Variants in ARMCX4 observed in about 807,000 individuals in gnomAD.
The protein encoded by ARMCX4 is armadillo repeat containing X-linked 4.
A neutral mutation model predicts 34.7 loss-of-function variants in ARMCX4; 3 were observed. That is an observed-to-expected ratio of 0.09 (90% confidence interval 0.04 to 0.22). The LOEUF is 0.22. Among genes scored for constraint, ARMCX4 ranks in the 10% least tolerant of loss-of-function variants. The probability of loss-of-function intolerance (pLI) is 1.00; values close to 1 mark genes in which losing one functional copy is unlikely to be tolerated. For synonymous variants in ARMCX4, 513 were observed against 632.8 expected (o/e 0.81, Z 2.84); for missense variants, 1,448 against 1,720.8 (o/e 0.84, Z 2.81).
rs1347318640 is a variant in ARMCX4, at chrX:101,490,560, G to A, written c.1971G>A (p.Lys657=). 8.7e-7 allele frequency: 1 copy of A among 1,155,047 alleles called. No homozygotes were observed. The highest frequency in any genetic ancestry group is 3.3e-5 in the East Asian group (1 of 30,718). ...AGGGTAATCCCAATGTTGTGCTTAA[G>A]GCAGAAGTTGGGGAAGGTGCAATGG... ...KVKGNPNVVL[K]AEVGEGAMGT... Residue 657 remains lysine, a synonymous_variant, in exon 6 of 6, where the codon AAG becomes AAA. Coordinates refer to ENST00000423738, the MANE Select transcript of ARMCX4 (RefSeq NM_001256155.3).
At chrX:101,501,978 TCCCTATGGGAAAGG>T (rs1272344481) in intron 7 of ARMCX4, among the ~76,000 whole-genome samples, 1 of 112,265 alleles carries the variant, frequency 8.9e-6, no homozygotes, top group Non-Finnish European at 1.9e-5. Flanking sequence ...TTTTTGGAAG[TCCCTATGGGAAAGG>T]CCCTATGGGA....
chrX:101,437,079 T>G (rs1259136641), intron 2 of ARMCX4, among the ~76,000 whole-genome samples: 3 of 112,036 alleles, frequency 2.7e-5, no homozygotes, highest in African/African-American at 9.7e-5. Flanking sequence ...GCATGGATGT[T>G]CATCAGGGAT....
chrX:101,444,996 C>A (rs1413072235), intron 3 of ARMCX4, among the ~76,000 whole-genome samples: 1 of 111,819 alleles, frequency 8.9e-6, no homozygotes, highest in East Asian at 2.8e-4. Flanking sequence ...ACATTGCTGT[C>A]AAAAAGTTGT....
intron 3 of ARMCX4, among the ~76,000 whole-genome samples, chrX:101,445,024 G>A (rs782377175): frequency 1.8e-5 from 2 of 112,176 alleles, no homozygotes; most frequent in African/African-American, 3.2e-5. Context: ...ATGCAGATGT[G>A]TATATGTACA....
intron 4 of ARMCX4, among the ~76,000 whole-genome samples, chrX:101,475,116 C>T (rs1933122642): frequency 9.1e-6 from 1 of 110,445 alleles, no homozygotes; most frequent in Non-Finnish European, 1.9e-5. Context: ...CAAGACCAGC[C>T]TGTGCAGCAT....
chrX:101,483,295 G>A (rs889610000), upstream of ARMCX4, among the ~76,000 whole-genome samples: 12 of 111,017 alleles, frequency 1.1e-4, no homozygotes, highest in Admixed American at 1.1e-3. Context: ...TAAATTCCAA[G>A]GAATAGAATT....
At chrX:101,425,542 C>A (rs1402713353) in intron 2 of ARMCX4, among the ~76,000 whole-genome samples, 1 of 109,572 alleles carries the variant, frequency 9.1e-6, no homozygotes, top group East Asian at 2.9e-4. Context: ...TACAGGCGCA[C>A]ACCACCATGC....
intron 11 of ARMCX4, among the ~76,000 whole-genome samples, chrX:101,530,899 T>A: frequency 8.9e-6 from 1 of 112,308 alleles, no homozygotes; most frequent in East Asian, 2.8e-4. Flanking sequence ...AAATACTTTT[T>A]TCCTCTTTTG....
At chrX:101,445,292 C>T (rs891695763) in intron 3 of ARMCX4, among the ~76,000 whole-genome samples, 2 of 112,233 alleles carry the variant, frequency 1.8e-5, no homozygotes, top group Non-Finnish European at 3.8e-5. Flanking sequence ...AAGCTCCCCC[C>T]ACTATGGATA....
intron 2 of ARMCX4, among the ~76,000 whole-genome samples, chrX:101,434,343 G>A (rs5951310): frequency 0.032 from 3,337 of 104,615 alleles, 51 homozygotes; most frequent in Non-Finnish European, 0.044. Flanking sequence ...AACCTCCGCC[G>A]CCCAAGCGAT....
rs1934144466 is a variant in ARMCX4 at position 101,494,865 on chromosome X, C to T, written c.6276C>T (p.Leu2092=). ...VGGISVIESL[L]NNPYPSVRQK... Reference sequence around the variant, plus strand: ...GAATTTCAGTTATTGAAAGCTTGCTCAATAATCCCTACCCCAGTGTTAGGC... The same window carrying T: ...GAATTTCAGTTATTGAAAGCTTGCTTAATAATCCCTACCCCAGTGTTAGGC... The change falls in exon 6 of 6, where the codon CTC becomes CTT. Residue 2092 remains leucine (L), a synonymous_variant. Transcript: ENST00000423738. 8.7e-7 allele frequency: 1 copy of T among 1,153,763 alleles called. No individual in the cohort carries two copies. Among genetic ancestry groups the T allele is most frequent in the Non-Finnish European group, 1.1e-6 (1 of 872,254 alleles).
At chrX:101,426,555 G>A (rs1469554117) in intron 2 of ARMCX4, among the ~76,000 whole-genome samples, 1 of 111,951 alleles carries the variant, frequency 8.9e-6, no homozygotes, top group Non-Finnish European at 1.9e-5. Context: ...AGGTTGACCA[G>A]AGAAAAATAG....
chrX:101,508,784 G>A (rs1556015780), intron 8 of ARMCX4, among the ~76,000 whole-genome samples: 1 of 111,365 alleles, frequency 9.0e-6, no homozygotes, highest in East Asian at 2.8e-4. Context: ...ATTGTTTCTT[G>A]ATTTTTGAGT....
At position 101,493,371 on chromosome X, in the gene ARMCX4, T is replaced by A. The variant is rs1240086173; in HGVS notation, c.4782T>A (p.Gly1594=). 7.6e-5 allele frequency: 88 copies of A among 1,152,521 alleles called. No individual in the cohort carries two copies. Among genetic ancestry groups the A allele is most frequent in the Non-Finnish European group, 9.7e-5 (85 of 872,132 alleles). The allele number at this position is 1,152,521 out of a possible 1,213,427, so 95.0% of individuals were successfully genotyped here. Residue 1594 remains glycine, a synonymous_variant, in exon 6 of 6, where the codon GGT becomes GGA. Coordinates refer to ENST00000423738, the MANE Select transcript of ARMCX4 (RefSeq NM_001256155.3). ...GGCCTGGTGCTGGGGACCAGACTGG[T>A]GGAGGCTCCAGGCCAGGGTCTGAGG... is the stretch of plus-strand genomic sequence containing the variant. ...GFWPGAGDQT[G]GGSRPGSEDQ...
At position 101,492,978 on chromosome X, in the gene ARMCX4, T is replaced by C. The variant is rs1027149334; in HGVS notation, c.4389T>C (p.Pro1463=). The C allele has an allele frequency of 9.6e-6, 11 of 1,151,556 alleles. No homozygotes were observed. The highest frequency in any genetic ancestry group is 1.3e-5 in the Non-Finnish European group (11 of 871,472). 94.9% of individuals were successfully genotyped at this position (1,151,556 alleles called of 1,213,427 possible). A position where few individuals can be genotyped will look rare whatever the true frequency, so the allele number is the denominator to read the frequency against. ...AGHPASVGPK[P]IFEDQVSGRG... ...ATCCAGCTAGTGTTGGGCCAAAGCCTATATTTGAGGATCAGGTCAGTGGCA... is the reference window on the plus strand; with the variant it reads ...ATCCAGCTAGTGTTGGGCCAAAGCCCATATTTGAGGATCAGGTCAGTGGCA... Residue 1463 remains proline, a synonymous_variant, in exon 6 of 6, where the codon CCT becomes CCC. Coordinates refer to ENST00000423738, the MANE Select transcript of ARMCX4 (RefSeq NM_001256155.3).
At chrX:101,464,567 T>C (rs1556001687) in intron 4 of ARMCX4, among the ~76,000 whole-genome samples, 1 of 110,627 alleles carries the variant, frequency 9.0e-6, no homozygotes, top group African/African-American at 3.3e-5. Context: ...TGAAGATAGG[T>C]CAAGAGAGGG....
At chrX:101,424,684 C>T (rs1345423095) in intron 2 of ARMCX4, among the ~76,000 whole-genome samples, 1 of 111,989 alleles carries the variant, frequency 8.9e-6, no homozygotes, top group Non-Finnish European at 1.9e-5. Flanking sequence ...TAGGAAAATC[C>T]ACATTTTGTT....
At chrX:101,469,888 T>TA (rs1258408318) in intron 4 of ARMCX4, among the ~76,000 whole-genome samples, 2 of 111,383 alleles carry the variant, frequency 1.8e-5, no homozygotes, top group Non-Finnish European at 3.8e-5. Flanking sequence ...ACCTGGAAGT[T>TA]ACCACCCCTT....
At chrX:101,448,985 C>G (rs1296287904), downstream of ARMCX4, among the ~76,000 whole-genome samples, 1 of 101,891 alleles carries the variant, frequency 9.8e-6, no homozygotes, top group East Asian at 3.1e-4. Context: ...AATCTTGGCT[C>G]GCTGCAACCT....
Sources: allele counts gnomAD v4.1 joint callset (sites outside exome capture counted in the v4.1 genomes callset), GRCh38; gene constraint gnomAD v4.1.1; transcripts MANE v1.5; gene names NCBI Gene and HGNC (gene_info 2026-07-23, HGNC 2026-07-21).